The following PSME3IP1 variants were observed in gnomAD, a reference collection of about 807,000 sequenced individuals.
PSME3IP1 encodes PSME3-interacting protein.
PSME3IP1 carries 13 observed loss-of-function variants against 34.1 expected under a neutral mutation model. The observed-to-expected ratio is 0.38, with a 90% CI of 0.25 to 0.61. The LOEUF (loss-of-function observed/expected upper bound fraction) is 0.61, where lower values mean the gene tolerates loss of function less well. Ranked by LOEUF, PSME3IP1 falls within the 20% of genes least tolerant of loss-of-function variation. PSME3IP1 has a pLI of 0.60. For missense variants in PSME3IP1, 237 were observed against 301.4 expected (o/e 0.79, Z 1.58); for synonymous variants, 93 against 114.3 (o/e 0.81, Z 1.19).
intron 1 of PSME3IP1, among the ~76,000 whole-genome samples, chr16:57,182,145 A>G (rs1439713897): frequency 6.6e-6 from 1 of 152,166 alleles, no homozygotes. Context: ...TTAGCATATA[A>G]AAAGACACTA....
chr16:57,171,335 C>G (rs1022725108), intron 4 of PSME3IP1, among the ~76,000 whole-genome samples: 2 of 152,076 alleles, frequency 1.3e-5, no homozygotes, highest in Non-Finnish European at 2.9e-5. Flanking sequence ...AAGAAGGAGG[C>G]GGGTTGGCCT....
At position 57,154,933 on chromosome 16, in the gene PSME3IP1, C is replaced by T. The variant is rs922016279; in HGVS notation, c.548-426G>A. Among the ~76,000 whole-genome samples the T allele has an allele frequency of 4.6e-5, 7 of 152,192 alleles. No individual in the cohort carries two copies. Among genetic ancestry groups the T allele is most frequent in the Non-Finnish European group, 8.8e-5 (6 of 68,022 alleles). On this transcript the variant is annotated intron_variant, in intron 6 of 6. Transcript: ENST00000309137. This position sits in a 1 kb window ranked among gnomAD's most constrained non-coding sequence, Gnocchi z 4.0. ...ATTAACAATTCCATTAAGTTCTCAGCGTATTACACCATTTCTTATTTACTG... is the reference window on the plus strand; with the variant it reads ...ATTAACAATTCCATTAAGTTCTCAGTGTATTACACCATTTCTTATTTACTG...
chr16:57,186,057 C>T (rs1469876002), upstream of PSME3IP1: 2 of 985,392 alleles, frequency 2.0e-6, no homozygotes, highest in African/African-American at 3.5e-5. Flanking sequence ...CGCCCCACTT[C>T]CGGCGACGTA....
chr16:57,171,871 T>TATACC (rs2072626952), intron 4 of PSME3IP1, among the ~76,000 whole-genome samples: 2 of 152,218 alleles, frequency 1.3e-5, no homozygotes, highest in Non-Finnish European at 2.9e-5. Flanking sequence ...CAGGGCATGC[T>TATACC]ATACCACTAG....
chr16:57,173,395 C>T (rs1364693151), intron 2 of PSME3IP1, among the ~76,000 whole-genome samples: 4 of 151,972 alleles, frequency 2.6e-5, no homozygotes, highest in Non-Finnish European at 2.9e-5. Flanking sequence ...TTTGGGAGGC[C>T]GAGGCAGGAG....
intron 6 of PSME3IP1, among the ~76,000 whole-genome samples, chr16:57,163,685 G>A (rs370274752): frequency 7.2e-5 from 11 of 152,182 alleles, no homozygotes; most frequent in African/African-American, 2.4e-4. Flanking sequence ...ACATTTGGGG[G>A]AAACAGAAAA....
rs779319262 is a variant in PSME3IP1, at chr16:57,170,064, T to C, written c.348+2187A>G. 2.6e-4 allele frequency among the ~76,000 whole-genome samples: 39 copies of C among 151,090 alleles called. 1 individual carries two copies. The highest frequency in any genetic ancestry group is 2.6e-3 in the Admixed American group (39 of 15,128). On this transcript the variant is annotated intron_variant, in intron 4 of 6. Transcript: ENST00000309137. The stretch of plus-strand genomic sequence containing the variant: ...CAGGGAATCAGGGAATCTGTCCATG[T>C]CTTCTCCCATACAACGCTTTTTTTT...
chr16:57,180,765 GACAA>G (rs1318975567), intron 1 of PSME3IP1, among the ~76,000 whole-genome samples: 1 of 151,970 alleles, frequency 6.6e-6, no homozygotes, highest in Non-Finnish European at 1.5e-5. Flanking sequence ...CAAACAAACA[GACAA>G]ACAGGCTAGG....
Position 57,154,861 on chromosome 16 carries a change from C to CA in PSME3IP1, c.548-355dup, listed in dbSNP as rs1293679264. ...GTGCTTTGATTTCCCTGTGCTCACA[C>CA]AGCCGTGAGAATCTGAAAACAGATT... On this transcript the variant is annotated intron_variant, in intron 6 of 6. Transcript: ENST00000309137. The surrounding 1 kb of genome is among the most constrained non-coding windows in gnomAD (Gnocchi z 4.0). Among the ~76,000 whole-genome samples the CA allele has an allele frequency of 6.6e-6, 1 of 152,206 alleles. No homozygotes were observed. The highest frequency in any genetic ancestry group is 1.9e-4 in the East Asian group (1 of 5,196).
intron 6 of PSME3IP1, among the ~76,000 whole-genome samples, chr16:57,157,832 C>G (rs1356226512): frequency 1.3e-5 from 2 of 152,062 alleles, no homozygotes; most frequent in Non-Finnish European, 2.9e-5. Context: ...TTTAAAAAAG[C>G]AAATACAAAA....
Position 57,185,981 on chromosome 16 carries a change from G to A in PSME3IP1, c.-176C>T, listed in dbSNP as rs1030937459. 1.0e-6 allele frequency: 1 copy of A among 985,290 alleles called. No individual in the cohort carries two copies. The highest frequency in any genetic ancestry group is 1.2e-6 in the Non-Finnish European group (1 of 829,862). 61.0% of individuals were successfully genotyped at this position (985,290 alleles called of 1,614,324 possible). A position where few individuals can be genotyped will look rare whatever the true frequency, so the allele number is the denominator to read the frequency against. ...AAGAAAGAAAAAAAAAAAGAAAATAGCCTTTGCTTTTGTATTTCTTTTGAC... is the reference window on the plus strand; with the variant it reads ...AAGAAAGAAAAAAAAAAAGAAAATAACCTTTGCTTTTGTATTTCTTTTGAC... On this transcript the variant is annotated 5_prime_UTR_variant, in exon 1 of 7. Coordinates refer to ENST00000309137, the MANE Select transcript of PSME3IP1 (RefSeq NM_024946.4).
At chr16:57,166,946 A>G (rs1427479550) in intron 5 of PSME3IP1, 147 bp downstream of exon 5, 2 of 861,836 alleles carry the variant, frequency 2.3e-6, no homozygotes, top group East Asian at 4.8e-5. Flanking sequence ...GAAGGCCTCA[A>G]ATCTGGAAAG....
intron 6 of PSME3IP1, among the ~76,000 whole-genome samples, chr16:57,162,453 C>A (rs1157849188): frequency 6.7e-6 from 1 of 150,314 alleles, no homozygotes; most frequent in Admixed American, 6.6e-5. Flanking sequence ...TCACTTGAGG[C>A]TAGGAGTTCG....
Position 57,183,584 on chromosome 16 carries a change from C to T in PSME3IP1, c.-16+2237G>A, listed in dbSNP as rs533455454. ...CTGACCTCAAGTGATCTGCCCACCT[C>T]GACCTACCAAAGTGCTGGGATTACA... On this transcript the variant is annotated intron_variant, in intron 1 of 6. Coordinates refer to ENST00000309137, the MANE Select transcript of PSME3IP1 (RefSeq NM_024946.4). 2.0e-5 allele frequency among the ~76,000 whole-genome samples: 3 copies of T among 151,770 alleles called. No individual in the cohort carries two copies. In the East Asian group the frequency reaches 5.8e-4, roughly 29 times the overall value.
intron 4 of PSME3IP1, among the ~76,000 whole-genome samples, chr16:57,171,056 A>G (rs2072519563): frequency 6.7e-6 from 1 of 148,590 alleles, no homozygotes; most frequent in South Asian, 2.2e-4. Flanking sequence ...CTGGGCAACA[A>G]GAGAGAAACT....
intron 2 of PSME3IP1, 105 bp downstream of exon 2, chr16:57,173,623 C>A: frequency 7.4e-7 from 1 of 1,347,766 alleles, no homozygotes; most frequent in South Asian, 1.4e-5. Flanking sequence ...AGTGAGACTC[C>A]GTCTCAAAAA....
intron 1 of PSME3IP1, among the ~76,000 whole-genome samples, chr16:57,183,003 C>T (rs1431649814): frequency 1.3e-5 from 2 of 152,176 alleles, no homozygotes; most frequent in East Asian, 1.9e-4. Flanking sequence ...GAGGAACTTA[C>T]ACTCATTCAG....
chr16:57,169,800 T>C (rs2072345546), intron 4 of PSME3IP1, among the ~76,000 whole-genome samples: 2 of 152,194 alleles, frequency 1.3e-5, no homozygotes, highest in African/African-American at 4.8e-5. Flanking sequence ...AGGAAAAAGC[T>C]TGGTGTCTGA....
intron 1 of PSME3IP1, chr16:57,181,859 A>G (rs1441899688): frequency 6.6e-6 from 1 of 152,282 alleles, no homozygotes; most frequent in Non-Finnish European, 1.5e-5. Context: ...CAGAGCTTCC[A>G]TGCACTCTCT....
Sources: gnomAD v4.1 joint callset for allele counts (sites outside exome capture counted in the v4.1 genomes callset) on GRCh38, gnomAD v4.1.1 for gene constraint, Gnocchi (gnomAD v3.1) non-coding constraint, MANE v1.5 for transcripts, NCBI Gene and HGNC (gene_info 2026-07-23, HGNC 2026-07-21) for gene names.